Variants in LPAR3 observed in about 807,000 individuals in gnomAD.
The protein encoded by LPAR3 is LPA receptor 3.
In LPAR3, 7 loss-of-function variants were observed where a neutral mutation model predicts 17.8. The observed-to-expected ratio is 0.39, with a 90% CI of 0.22 to 0.74. The LOEUF (loss-of-function observed/expected upper bound fraction) is 0.74, where lower values mean the gene tolerates loss of function less well. Ranked by LOEUF, LPAR3 falls within the 30% of genes least tolerant of loss-of-function variation. The pLI, the probability that LPAR3 is intolerant of heterozygous loss-of-function variation, is 0.40. For missense variants in LPAR3, 391 were observed against 453.4 expected, an observed-to-expected ratio of 0.86 and a Z score of 1.25; for synonymous variants, 179 against 179.9, an observed-to-expected ratio of 0.99 and a Z score of 0.04.
At position 84,830,849 on chromosome 1, in the gene LPAR3, T is replaced by C. The variant is rs115345132; in HGVS notation, c.737-16678A>G. ...GCAATCAACCCTGATCACCTTTACCTTACCCCCGGGCAAATGCGAGGCTAC... is the reference window on the plus strand; with the variant it reads ...GCAATCAACCCTGATCACCTTTACCCTACCCCCGGGCAAATGCGAGGCTAC... On this transcript the variant is annotated intron_variant, in intron 2 of 2. Transcript: ENST00000370611. 7.9e-3 allele frequency among the ~76,000 whole-genome samples: 1,202 copies of C among 152,232 alleles called. 14 individuals carry two copies. Among genetic ancestry groups the C allele is most frequent in the Non-Finnish European group, 9.0e-3 (609 of 68,000 alleles).
At chr1:84,835,070 T>C (rs975338647) in intron 2 of LPAR3, among the ~76,000 whole-genome samples, 4 of 152,234 alleles carry the variant, frequency 2.6e-5, no homozygotes, top group African/African-American at 9.6e-5. Flanking sequence ...AATTGCTATG[T>C]CATTTCTTCT....
intron 1 of LPAR3, among the ~76,000 whole-genome samples, chr1:84,870,494 A>T (rs2102767651): frequency 6.6e-6 from 1 of 152,376 alleles, no homozygotes; most frequent in South Asian, 2.1e-4. Context: ...GCTGACTTAT[A>T]CATCAATCAC....
intron 2 of LPAR3, among the ~76,000 whole-genome samples, chr1:84,854,035 T>C (rs895858020): frequency 1.3e-5 from 2 of 152,234 alleles, no homozygotes; most frequent in Admixed American, 6.5e-5. Flanking sequence ...ACCCATGTTA[T>C]CTGCCTAGTC....
intron 2 of LPAR3, among the ~76,000 whole-genome samples, chr1:84,850,267 T>A (rs1345253664): frequency 6.6e-6 from 1 of 151,310 alleles, no homozygotes; most frequent in Admixed American, 6.6e-5. Context: ...AGTTAAAGAC[T>A]AACAATCAAG....
intron 1 of LPAR3, among the ~76,000 whole-genome samples, chr1:84,878,993 C>T (rs1660310700): frequency 6.6e-6 from 1 of 152,170 alleles, no homozygotes; most frequent in South Asian, 2.1e-4. Flanking sequence ...AACTCAGCTC[C>T]AAACCTAGGA....
At chr1:84,892,501 T>C (rs1660571789) in intron 1 of LPAR3, among the ~76,000 whole-genome samples, 1 of 152,208 alleles carries the variant, frequency 6.6e-6, no homozygotes, top group Non-Finnish European at 1.5e-5. Flanking sequence ...GTGTTGCTAG[T>C]TACTAGTTCC....
At position 84,865,448 on chromosome 1, in the gene LPAR3, T is replaced by C. The variant is rs1334980490; in HGVS notation, c.673A>G (p.Ser225Gly). Residue 225 changes from serine to glycine, a missense_variant, in exon 2 of 3, where the codon AGT becomes GGT. Physicochemically the swap from Ser to Gly is moderately conservative, Grantham distance 56 (BLOSUM62 0). Transcript: ENST00000370611. ...GTCCTCCGGCGGCTGATGGACCCAC[T>C]TGTATGCGGAGACAAGACGTTGGTT... ...RKTNVLSPHT[S>G]GSISRRRTPM... The C allele has an allele frequency of 3.1e-6, 5 of 1,614,038 alleles. No individual in the cohort carries two copies. The African/African-American group carries it at 4.0e-5, about 13-fold the overall frequency.
chr1:84,844,767 CA>C (rs1244647765), intron 2 of LPAR3, among the ~76,000 whole-genome samples: 1 of 152,080 alleles, frequency 6.6e-6, no homozygotes, highest in Non-Finnish European at 1.5e-5. Flanking sequence ...CATTTCTGTA[CA>C]AAAATCATTA....
chr1:84,883,790 C>T (rs1321376442), intron 1 of LPAR3, among the ~76,000 whole-genome samples: 1 of 151,930 alleles, frequency 6.6e-6, no homozygotes, highest in African/African-American at 2.4e-5. Context: ...CCACCTGACC[C>T]CCAGAGAAAT....
intron 2 of LPAR3, among the ~76,000 whole-genome samples, chr1:84,830,101 G>A (rs1013870634): frequency 6.6e-6 from 1 of 152,172 alleles, no homozygotes; most frequent in African/African-American, 2.4e-5. Flanking sequence ...ATGTCTAGAA[G>A]GACCCTATGC....
chr1:84,847,600 G>A (rs1350184461), intron 2 of LPAR3, among the ~76,000 whole-genome samples: 1 of 152,216 alleles, frequency 6.6e-6, no homozygotes, highest in Non-Finnish European at 1.5e-5. Flanking sequence ...GTCCTCAGCT[G>A]TGCCTGCTGA....
In LPAR3 at chr1:84,858,677, A is replaced by G. The variant is rs139261784; in HGVS notation, c.736+6708T>C. Among the ~76,000 whole-genome samples, 500 of 152,208 alleles carry G rather than the reference A, an allele frequency of 3.3e-3. 5 individuals are homozygous for G. Among genetic ancestry groups the G allele is most frequent in the South Asian group, 0.031 (151 of 4,828 alleles). On this transcript the variant is annotated intron_variant, in intron 2 of 2. Transcript: ENST00000370611. ...TCAGCCTCAATTTCCTCATTTATTC[A>G]TTGTAGTACATCTCAACAAGTGTGT...
chr1:84,846,838 C>A (rs1414572888), intron 2 of LPAR3, among the ~76,000 whole-genome samples: 4 of 151,826 alleles, frequency 2.6e-5, no homozygotes, highest in African/African-American at 9.7e-5. Flanking sequence ...ATTGTAAAGT[C>A]TTTTTAAGAC....
chr1:84,814,228 T>A, intron 2 of LPAR3, 57 bp from the exon 3 acceptor site: 1 of 1,445,198 alleles, frequency 6.9e-7, no homozygotes, highest in East Asian at 2.3e-5. Context: ...CTTATTCAGG[T>A]TTTCTTCTCT....
rs1047454372 is a variant in LPAR3, at chr1:84,860,975, G to C, written c.736+4410C>G. On this transcript the variant is annotated intron_variant, in intron 2 of 2. Transcript: ENST00000370611. ...GATGGTCTCAAACTCCTGACCTCAA[G>C]TGATCCGCCCGCCTCGGCCTCCCAG... Among the ~76,000 whole-genome samples the C allele has an allele frequency of 6.6e-5, 10 of 152,172 alleles. No individual in the cohort carries two copies. The South Asian group carries it at 1.7e-3, about 25-fold the overall frequency.
chr1:84,889,449 T>C (rs993031872), intron 1 of LPAR3, among the ~76,000 whole-genome samples: 1 of 152,118 alleles, frequency 6.6e-6, no homozygotes, highest in African/African-American at 2.4e-5. Context: ...GGATGGGTGG[T>C]GGCCAGCTGT....
At chr1:84,816,523 G>T (rs1658935370) in intron 2 of LPAR3, among the ~76,000 whole-genome samples, 1 of 152,198 alleles carries the variant, frequency 6.6e-6, no homozygotes, top group African/African-American at 2.4e-5. Context: ...TTTAGGCTGG[G>T]CGTGGTGGCT....
chr1:84,826,773 T>C (rs1457195966), intron 2 of LPAR3, among the ~76,000 whole-genome samples: 1 of 152,178 alleles, frequency 6.6e-6, no homozygotes, highest in Non-Finnish European at 1.5e-5. Context: ...TCCTAGCACA[T>C]ATAATCTATA....
In LPAR3 at chr1:84,888,632, G is replaced by C. The variant is rs540927761; in HGVS notation, c.-19+4384C>G. ...CTTGGCTTAAAAGGGGAGACCAGGG[G>C]CTTGCCTTAAAGCTGCATTTATAAA... is the stretch of plus-strand genomic sequence containing the variant. On this transcript the variant is annotated intron_variant, in intron 1 of 2. Coordinates refer to ENST00000370611, the MANE Select transcript of LPAR3 (RefSeq NM_012152.3). 1.2e-4 allele frequency among the ~76,000 whole-genome samples: 19 copies of C among 152,316 alleles called. No homozygotes were observed. In the South Asian group the frequency reaches 3.7e-3, roughly 30 times the overall value.
Sources: allele counts gnomAD v4.1 joint callset (sites outside exome capture counted in the v4.1 genomes callset), GRCh38; gene constraint gnomAD v4.1.1; transcripts MANE v1.5; gene names NCBI Gene and HGNC (gene_info 2026-07-23, HGNC 2026-07-21).